The following PLSCR1 variants were observed in gnomAD, a reference collection of about 807,000 sequenced individuals.
The protein encoded by PLSCR1 is phospholipid scramblase 1.
PLSCR1 carries 17 observed loss-of-function variants against 37.8 expected under a neutral mutation model. The observed-to-expected ratio is 0.45, with a 90% confidence interval of 0.31 to 0.68. The LOEUF is 0.68. Ranked by LOEUF, PLSCR1 falls within the 30% of genes least tolerant of loss-of-function variation. The pLI is 0.06. For synonymous variants in PLSCR1, 116 were observed against 125.9 expected (o/e 0.92, Z 0.53); for missense variants, 347 against 380.9 (o/e 0.91, Z 0.74).
intron 3 of PLSCR1, among the ~76,000 whole-genome samples, chr3:146,529,858 G>C (rs1560086553): frequency 6.6e-6 from 1 of 152,126 alleles, no homozygotes; most frequent in East Asian, 1.9e-4. Context: ...ATGCCTGCTT[G>C]GGTTAATCCT....
At chr3:146,520,328 A>G (rs2044001717) in intron 7 of PLSCR1, 1 of 152,142 alleles carries the variant, frequency 6.6e-6, no homozygotes, top group Non-Finnish European at 1.5e-5. Flanking sequence ...TTTATTTACT[A>G]AAAATAAAAT....
At chr3:146,524,189 T>G (rs1258937307) in intron 5 of PLSCR1, among the ~76,000 whole-genome samples, 1 of 152,204 alleles carries the variant, frequency 6.6e-6, no homozygotes, top group African/African-American at 2.4e-5. Flanking sequence ...TTAAGTAGCT[T>G]AATCTCAAAA....
Position 146,517,066 on chromosome 3 carries a change from C to A in PLSCR1, c.840G>T (p.Gln280His), listed in dbSNP as rs61737861. ...AFTDADNFGI[Q>H]FPLDLDVKMK... is the part of the protein sequence containing the mutation. ...TTTTAACATCAAGGTCTAAAGGGAACTGGATTCCAAAGTTATCAGCGTCTG... is the reference window on the plus strand; with the variant it reads ...TTTTAACATCAAGGTCTAAAGGGAAATGGATTCCAAAGTTATCAGCGTCTG... The change falls in exon 8 of 9, where the codon CAG (glutamine) becomes CAT (histidine). Residue 280 changes from glutamine (Q) to histidine (H), a missense_variant. Physicochemically the swap from Gln to His is conservative, Grantham distance 24. Transcript: ENST00000342435. 6.2e-6 allele frequency: 10 copies of A among 1,603,694 alleles called. No individual in the cohort carries two copies. In the East Asian group the frequency reaches 2.0e-4, roughly 32 times the overall value.
At chr3:146,531,980 T>C (rs2044205263) in intron 3 of PLSCR1, among the ~76,000 whole-genome samples, 1 of 152,176 alleles carries the variant, frequency 6.6e-6, no homozygotes, top group Non-Finnish European at 1.5e-5. Flanking sequence ...AAGAGTATTC[T>C]AAGAATTAAA....
intron 2 of PLSCR1, among the ~76,000 whole-genome samples, chr3:146,536,312 C>G (rs1045475118): frequency 6.6e-6 from 1 of 152,108 alleles, no homozygotes; most frequent in African/African-American, 2.4e-5. Flanking sequence ...CATTTCTTAG[C>G]TTTCCAAAAG....
chr3:146,521,634 C>A lies in PLSCR1; in HGVS notation c.648G>T (p.Lys216Asn). ...CTCTTTTCTCATTTTGAATTGTAAACTTTGGTAGACATGGGTGCCAAGTCT... is the reference window on the plus strand; with the variant it reads ...CTCTTTTCTCATTTTGAATTGTAAAATTTGGTAGACATGGGTGCCAAGTCT... ...VIQTWHPCLP[K>N]FTIQNEKRED... Residue 216 changes from lysine to asparagine, a missense_variant, in exon 7 of 9, where the codon AAG (lysine) becomes AAT (asparagine). Lys to Asn is a moderately conservative substitution (Grantham distance 94, BLOSUM62 0). Transcript: ENST00000342435. 1 of 1,613,728 alleles carries A rather than the reference C, an allele frequency of 6.2e-7. No homozygotes were observed.
At chr3:146,533,965 G>A (rs2587023) in intron 2 of PLSCR1, among the ~76,000 whole-genome samples, 41,716 of 151,962 alleles carry the variant, frequency 0.27, 5,979 homozygotes, top group African/African-American at 0.33. Flanking sequence ...CATCATTGCT[G>A]TAAGTATTAT....
At chr3:146,521,800 T>C (rs1422272367) in intron 6 of PLSCR1, 33 bp downstream of exon 6, 2 of 1,585,880 alleles carry the variant, frequency 1.3e-6, no homozygotes, top group Non-Finnish European at 1.7e-6. Context: ...TGCTGAACTA[T>C]TTTACAAAGT....
Position 146,515,825 on chromosome 3 carries a change from C to A in PLSCR1, c.*220G>T. The A allele has an allele frequency of 5.5e-6, 2 of 366,720 alleles. No homozygotes were observed. The highest frequency in any genetic ancestry group is 9.7e-6 in the Non-Finnish European group (2 of 205,914). The allele number at this position is 366,720 out of a possible 1,614,324, so 22.7% of individuals were successfully genotyped here. ...TCAAAGGAAGTTTCATTAATAAATG[C>A]AAAAACTCATATGTCCTTTTTCTCA... On this transcript the variant is annotated 3_prime_UTR_variant, in exon 9 of 9. Coordinates refer to ENST00000342435, the MANE Select transcript of PLSCR1 (RefSeq NM_021105.3).
At chr3:146,542,334 C>T (rs1033626351) in intron 1 of PLSCR1, among the ~76,000 whole-genome samples, 4 of 152,138 alleles carry the variant, frequency 2.6e-5, no homozygotes, top group Non-Finnish European at 5.9e-5. Flanking sequence ...AGACTTCCCT[C>T]AGCTCTCAAT....
chr3:146,518,738 A>C (rs765957353), intron 7 of PLSCR1, among the ~76,000 whole-genome samples: 1 of 152,210 alleles, frequency 6.6e-6, no homozygotes, highest in Non-Finnish European at 1.5e-5. Context: ...TGGCAAGGAT[A>C]AGAAATGCAA....
At chr3:146,534,961 C>T (rs569195068) in intron 2 of PLSCR1, among the ~76,000 whole-genome samples, 1 of 152,138 alleles carries the variant, frequency 6.6e-6, no homozygotes, top group African/African-American at 2.4e-5. Context: ...TGCAACATAC[C>T]TTGTGATTTG....
intron 5 of PLSCR1, among the ~76,000 whole-genome samples, chr3:146,524,911 C>T (rs866280548): frequency 2.6e-5 from 4 of 152,286 alleles, no homozygotes; most frequent in Admixed American, 6.5e-5. Context: ...TTTTATTAAA[C>T]CTTTTTTATC....
intron 1 of PLSCR1, among the ~76,000 whole-genome samples, chr3:146,537,504 G>A (rs913011890): frequency 6.6e-6 from 1 of 152,120 alleles, no homozygotes; most frequent in African/African-American, 2.4e-5. Flanking sequence ...TGGTTAATAA[G>A]TCAAGTGATC....
chr3:146,525,241 A>C (rs927685407), intron 5 of PLSCR1, among the ~76,000 whole-genome samples: 1 of 152,238 alleles, frequency 6.6e-6, no homozygotes, highest in African/African-American at 2.4e-5. Flanking sequence ...CAAATAAAAA[A>C]GATAACTTAC....
At chr3:146,543,351 A>G (rs2044361816) in intron 1 of PLSCR1, among the ~76,000 whole-genome samples, 1 of 151,884 alleles carries the variant, frequency 6.6e-6, no homozygotes, top group Admixed American at 6.6e-5. Flanking sequence ...ATCCAATTGC[A>G]TAAATCCACT....
At chr3:146,536,390 T>C (rs2044264940) in intron 2 of PLSCR1, 150 bp downstream of exon 2, 5 of 520,900 alleles carry the variant, frequency 9.6e-6, no homozygotes, top group Admixed American at 6.4e-5. Context: ...ATAGTCAAAA[T>C]ACTGAACTAG....
intron 1 of PLSCR1, among the ~76,000 whole-genome samples, chr3:146,540,420 G>C (rs371319159): frequency 6.6e-6 from 1 of 152,070 alleles, no homozygotes; most frequent in South Asian, 2.1e-4. Flanking sequence ...CACAGCACAG[G>C]GGATTTCCAG....
chr3:146,540,776 C>A (rs1316548364), intron 1 of PLSCR1: 1 of 152,046 alleles, frequency 6.6e-6, no homozygotes, highest in African/African-American at 2.4e-5. Flanking sequence ...AATTCTAGGT[C>A]CCTAACTTCC....
Sources: gnomAD v4.1 joint callset for allele counts (sites outside exome capture counted in the v4.1 genomes callset) on GRCh38, gnomAD v4.1.1 for gene constraint, MANE v1.5 for transcripts, NCBI Gene and HGNC (gene_info 2026-07-23, HGNC 2026-07-21) for gene names.